Variants in NLK observed in about 807,000 individuals in gnomAD.
NLK encodes serine/threonine-protein kinase NLK.
In NLK, 11 loss-of-function variants were observed where a neutral mutation model predicts 59.0. The observed-to-expected ratio is 0.19, with a 90% CI of 0.12 to 0.31. The LOEUF is 0.31. NLK is among the 10% of genes least tolerant of loss of function. The pLI is 1.00. For missense variants in NLK, 410 were observed against 661.1 expected (o/e 0.62, Z 4.16); for synonymous variants, 235 against 235.9 (o/e 1.00, Z 0.03).
chr17:28,065,408 A>G (rs747303970), intron 1 of NLK, among the ~76,000 whole-genome samples: 6 of 152,152 alleles, frequency 3.9e-5, no homozygotes, highest in East Asian at 3.9e-4. Flanking sequence ...GGGACCTGGA[A>G]TTGGTTCATT....
At chr17:28,123,147 G>T (rs1906138772) in intron 2 of NLK, among the ~76,000 whole-genome samples, 2 of 152,140 alleles carry the variant, frequency 1.3e-5, no homozygotes, top group Admixed American at 6.5e-5. Flanking sequence ...ACTATGAATT[G>T]TATGACATGC....
chr17:28,095,312 C>A (rs1904662331), intron 1 of NLK, among the ~76,000 whole-genome samples: 1 of 152,168 alleles, frequency 6.6e-6, no homozygotes, highest in Non-Finnish European at 1.5e-5. Flanking sequence ...GGACAGCGGC[C>A]TGGACCCTAG....
At chr17:28,084,569 CTTT>C (rs934138395) in intron 1 of NLK, among the ~76,000 whole-genome samples, 1 of 146,774 alleles carries the variant, frequency 6.8e-6, no homozygotes, top group Admixed American at 6.8e-5. Context: ...ACTACCTTTT[CTTT>C]TTTTTTTTCG....
chr17:28,111,965 T>C (rs773502996), intron 1 of NLK, among the ~76,000 whole-genome samples: 15 of 146,850 alleles, frequency 1.0e-4, no homozygotes, highest in Middle Eastern at 3.5e-3. Flanking sequence ...GGAGAGCATG[T>C]AGTTTTCAAA....
intron 3 of NLK, among the ~76,000 whole-genome samples, chr17:28,152,309 T>C (rs964564166): frequency 2.6e-5 from 4 of 152,244 alleles, no homozygotes; most frequent in Non-Finnish European, 5.9e-5. Flanking sequence ...TGTTTTTGGC[T>C]TTTGTATCAG....
At chr17:28,049,978 C>T (rs1377665988) in intron 1 of NLK, among the ~76,000 whole-genome samples, 1 of 152,086 alleles carries the variant, frequency 6.6e-6, no homozygotes, top group Admixed American at 6.5e-5. Flanking sequence ...GAAACTGTGT[C>T]TCAAAAAATA....
chr17:28,204,384 G>A, the NLK span, among the ~76,000 whole-genome samples: 1 of 152,226 alleles, frequency 6.6e-6, no homozygotes, highest in East Asian at 1.9e-4. Flanking sequence ...TGATGGAAGA[G>A]TGCGTAGTGT....
intron 1 of NLK, among the ~76,000 whole-genome samples, chr17:28,089,699 C>G (rs1050425186): frequency 6.6e-6 from 1 of 152,060 alleles, no homozygotes; most frequent in African/African-American, 2.4e-5. Flanking sequence ...TGTGTGAGTT[C>G]CAGTACCTCC....
chr17:28,062,306 T>A (rs1270335469), intron 1 of NLK, among the ~76,000 whole-genome samples: 1 of 152,158 alleles, frequency 6.6e-6, no homozygotes, highest in African/African-American at 2.4e-5. Flanking sequence ...TACTAACTTT[T>A]TGACCATTTC....
chr17:28,177,479 G>A (rs1908730076), intron 7 of NLK, among the ~76,000 whole-genome samples: 1 of 152,192 alleles, frequency 6.6e-6, no homozygotes, highest in Admixed American at 6.5e-5. Flanking sequence ...AAAATCTTGA[G>A]CTACAGCTGA....
rs371480214 is a variant in NLK at position 28,122,741 on chromosome 17, A to C, written c.588+9A>C. 255 of 1,613,674 alleles carry C rather than the reference A, an allele frequency of 1.6e-4. 1 individual carries two copies. In the African/African-American group the frequency reaches 2.6e-3, roughly 17 times the overall value. ...TTTTTAAGCATGATAATGTAAGTGAAATTGGTATTTGGGGGAAACTATTTC... is the reference window on the plus strand; with the variant it reads ...TTTTTAAGCATGATAATGTAAGTGACATTGGTATTTGGGGGAAACTATTTC... On this transcript the variant is annotated intron_variant, in intron 2 of 10. Coordinates refer to ENST00000407008, the MANE Select transcript of NLK (RefSeq NM_016231.5).
chr17:28,197,654 A>G (rs546820245), downstream of NLK, among the ~76,000 whole-genome samples: 11 of 152,158 alleles, frequency 7.2e-5, no homozygotes, highest in African/African-American at 2.4e-4. Context: ...ATCACCTACA[A>G]TTTGTGTGCA....
At chr17:28,142,624 A>T (rs930509680) in intron 3 of NLK, among the ~76,000 whole-genome samples, 4 of 152,178 alleles carry the variant, frequency 2.6e-5, no homozygotes, top group African/African-American at 9.6e-5. Flanking sequence ...GATTGTCATT[A>T]TCCACGCTAT....
chr17:28,121,298 G>T (rs1906038143), intron 1 of NLK, among the ~76,000 whole-genome samples: 1 of 151,340 alleles, frequency 6.6e-6, no homozygotes, highest in Non-Finnish European at 1.5e-5. Flanking sequence ...AACGATAATA[G>T]CTGAGAATGT....
intron 1 of NLK, among the ~76,000 whole-genome samples, chr17:28,115,956 G>A (rs1905748542): frequency 6.6e-6 from 1 of 151,050 alleles, no homozygotes; most frequent in African/African-American, 2.4e-5. Flanking sequence ...CCACCACCTA[G>A]ATTCAGTAAT....
intron 1 of NLK, among the ~76,000 whole-genome samples, chr17:28,110,488 GT>G (rs111548049): frequency 0.039 from 5,529 of 140,398 alleles, 326 homozygotes; most frequent in African/African-American, 0.13. Flanking sequence ...GGTTTTTTGG[GT>G]TTTTTTTTTT....
At position 28,043,099 on chromosome 17, in the gene NLK, G is replaced by T. The variant is rs767378058; in HGVS notation, c.226G>T (p.Ala76Ser). The change falls in exon 1 of 11, where the codon GCA (alanine) becomes TCA (serine). Residue 76 changes from alanine (A) to serine (S), a missense_variant. Coordinates refer to ENST00000407008, the MANE Select transcript of NLK (RefSeq NM_016231.5). ...CACCTCTTCGGCAGCTGCGGCAGCC[G>T]CAGCAGCGGCTGCAGCTGCAGCCAT... ...QHTSSAAAAA[A>S]AAAAAAAMLN... 1 of 1,582,676 alleles carries T rather than the reference G, an allele frequency of 6.3e-7. No homozygotes were observed. The highest frequency in any genetic ancestry group is 1.9e-5 in the Admixed American group (1 of 53,090).
intron 1 of NLK, among the ~76,000 whole-genome samples, chr17:28,097,906 C>T (rs1474006637): frequency 6.6e-6 from 1 of 152,080 alleles, no homozygotes; most frequent in Admixed American, 6.6e-5. Flanking sequence ...AATAAGGATC[C>T]TGTTCCTTTT....
At position 28,042,760 on chromosome 17, in the gene NLK, A is replaced by C; in HGVS notation, c.-114A>C. The C allele has an allele frequency of 1.1e-6, 1 of 949,486 alleles. No individual in the cohort carries two copies. Among genetic ancestry groups the C allele is most frequent in the Non-Finnish European group, 1.5e-6 (1 of 658,476 alleles). The allele number at this position is 949,486 out of a possible 1,614,324, so 58.8% of individuals were successfully genotyped here. A position where few individuals can be genotyped will look rare whatever the true frequency, so the allele number is the denominator to read the frequency against. On this transcript the variant is annotated 5_prime_UTR_variant, in exon 1 of 11. Coordinates refer to ENST00000407008, the MANE Select transcript of NLK (RefSeq NM_016231.5). ...TCTAACTTGTTTGGATTGACTGATG[A>C]AGACATAAAGCTCTATGTTTTTTGA... is the stretch of plus-strand genomic sequence containing the variant.
Sources: allele counts gnomAD v4.1 joint callset (sites outside exome capture counted in the v4.1 genomes callset), GRCh38; gene constraint gnomAD v4.1.1; transcripts MANE v1.5; gene names NCBI Gene and HGNC (gene_info 2026-07-23, HGNC 2026-07-21).